The following HTR2C variants were observed in gnomAD, a reference collection of about 807,000 sequenced individuals.
HTR2C encodes 5-hydroxytryptamine (serotonin) receptor 2C, G protein-coupled.
In HTR2C, 5 loss-of-function variants were observed where a neutral mutation model predicts 21.0. That is an observed-to-expected ratio of 0.24 (90% CI 0.12 to 0.50). HTR2C has a LOEUF of 0.50. Ranked by LOEUF, HTR2C falls within the 20% of genes least tolerant of loss-of-function variation. HTR2C has a pLI of 0.98. For missense variants in HTR2C, 271 were observed against 371.2 expected (o/e 0.73, Z 2.22); for synonymous variants, 150 against 145.3 (o/e 1.03, Z -0.23).
intron 4 of HTR2C, among the ~76,000 whole-genome samples, chrX:114,772,357 A>T (rs2070012792): frequency 9.0e-6 from 1 of 111,588 alleles, no homozygotes; most frequent in Admixed American, 9.6e-5. Flanking sequence ...TTCACTTTTA[A>T]CAAATGACTC....
intron 5 of HTR2C, among the ~76,000 whole-genome samples, chrX:114,905,761 A>G (rs1301388549): frequency 8.9e-6 from 1 of 111,764 alleles, no homozygotes; most frequent in Non-Finnish European, 1.9e-5. Flanking sequence ...AAGCTTCCAG[A>G]TATCTTACTT....
intron 2 of HTR2C, among the ~76,000 whole-genome samples, chrX:114,639,805 T>G (rs1556406063): frequency 8.9e-6 from 1 of 111,857 alleles, no homozygotes; most frequent in East Asian, 2.8e-4. Flanking sequence ...GATTCTTGAT[T>G]TTTAACTTTG....
At chrX:114,661,990 A>T (rs930468102) in intron 2 of HTR2C, among the ~76,000 whole-genome samples, 3 of 112,072 alleles carry the variant, frequency 2.7e-5, no homozygotes, top group African/African-American at 9.7e-5. Flanking sequence ...CATGTGCAAT[A>T]CATTTGTATG....
At chrX:114,715,400 C>G (rs1932973966) in intron 2 of HTR2C, 1 of 334,135 alleles carries the variant, frequency 3.0e-6, no homozygotes, top group African/African-American at 2.7e-5. Context: ...TTTGTGATCT[C>G]TTAATCTAAT....
At chrX:114,781,143 C>G (rs1193938042) in intron 4 of HTR2C, among the ~76,000 whole-genome samples, 3 of 110,264 alleles carry the variant, frequency 2.7e-5, no homozygotes, top group African/African-American at 9.9e-5. Flanking sequence ...AAGAAAGTGT[C>G]AAAAATGCAA....
intron 2 of HTR2C, among the ~76,000 whole-genome samples, chrX:114,660,065 G>A (rs1930929845): frequency 8.9e-6 from 1 of 112,202 alleles, no homozygotes; most frequent in South Asian, 3.6e-4. Flanking sequence ...ATTTACACAT[G>A]TAGTAAAATC....
chrX:114,708,050 TA>T (rs1256812806), intron 2 of HTR2C, among the ~76,000 whole-genome samples: 2 of 111,460 alleles, frequency 1.8e-5, no homozygotes, highest in African/African-American at 6.5e-5. Flanking sequence ...GTTGTTTTGT[TA>T]AAAACATATA....
intron 4 of HTR2C, among the ~76,000 whole-genome samples, chrX:114,770,428 CTTATCTTCAAGT>C (rs59008696): frequency 0.028 from 3,119 of 111,290 alleles, 121 homozygotes; most frequent in African/African-American, 0.096. Context: ...TCTCTTTTGA[CTTATCTTCAAGT>C]TTATCTTCAA....
At chrX:114,608,239 A>G (rs1254408538) in intron 1 of HTR2C, among the ~76,000 whole-genome samples, 1 of 111,641 alleles carries the variant, frequency 9.0e-6, no homozygotes, top group Non-Finnish European at 1.9e-5. Flanking sequence ...TTAACTCCGA[A>G]TCACTTTTAA....
intron 4 of HTR2C, chrX:114,776,098 C>A: frequency 4.2e-6 from 2 of 479,321 alleles, no homozygotes; most frequent in South Asian, 3.0e-5. Flanking sequence ...CTTCTTCACC[C>A]AAGTGGATGT....
At chrX:114,780,211 G>A (rs1394540184) in intron 4 of HTR2C, among the ~76,000 whole-genome samples, 2 of 110,760 alleles carry the variant, frequency 1.8e-5, no homozygotes, top group Non-Finnish European at 3.8e-5. Context: ...TGGTATCTAC[G>A]GGTGTCCTGG....
At chrX:114,588,327 T>C (rs1243139295) in intron 1 of HTR2C, among the ~76,000 whole-genome samples, 1 of 111,981 alleles carries the variant, frequency 8.9e-6, no homozygotes, top group Non-Finnish European at 1.9e-5. Flanking sequence ...CACTGTCTCC[T>C]TTAAATACAA....
intron 2 of HTR2C, among the ~76,000 whole-genome samples, chrX:114,635,994 GAA>G (rs1929827023): frequency 9.1e-6 from 1 of 110,440 alleles, no homozygotes; most frequent in African/African-American, 3.3e-5. Flanking sequence ...TTCAGACTGT[GAA>G]TATAGCTGTT....
chrX:114,788,819 T>C (rs1371785833), intron 4 of HTR2C, among the ~76,000 whole-genome samples: 2 of 110,392 alleles, frequency 1.8e-5, no homozygotes, highest in African/African-American at 3.3e-5. Flanking sequence ...GAGCTAATTT[T>C]TGTATTTTTT....
intron 1 of HTR2C, among the ~76,000 whole-genome samples, chrX:114,591,280 A>T (rs1651780940): frequency 8.9e-6 from 1 of 111,744 alleles, no homozygotes; most frequent in African/African-American, 3.2e-5. Flanking sequence ...AAAACAAGGA[A>T]GATCTGGTGT....
At chrX:114,775,218 A>G in intron 4 of HTR2C, 1 of 519,151 alleles carries the variant, frequency 1.9e-6, no homozygotes, top group Non-Finnish European at 3.5e-6. Context: ...ACCGGACCAT[A>G]TGTTCATGTC....
At chrX:114,626,214 CAAA>C (rs199644007) in intron 2 of HTR2C, among the ~76,000 whole-genome samples, 1 of 89,291 alleles carries the variant, frequency 1.1e-5, no homozygotes. Context: ...CCCATCTCTG[CAAA>C]AAAAAAAAAA....
chrX:114,629,798 A>T (rs2147816618), intron 2 of HTR2C, among the ~76,000 whole-genome samples: 1 of 111,405 alleles, frequency 9.0e-6, no homozygotes, highest in Admixed American at 9.6e-5. Flanking sequence ...GAATTCAAGG[A>T]TGGCTGAGCA....
At chrX:114,652,802 A>G in intron 2 of HTR2C, 1 of 262,769 alleles carries the variant, frequency 3.8e-6, no homozygotes. Flanking sequence ...TGCACAAGTG[A>G]TCGCCATATC....
Sources: allele counts gnomAD v4.1 joint callset (sites outside exome capture counted in the v4.1 genomes callset), GRCh38; gene constraint gnomAD v4.1.1; transcripts MANE v1.5; gene names NCBI Gene and HGNC (gene_info 2026-07-23, HGNC 2026-07-21).